Variants in STK10 observed in about 807,000 individuals in gnomAD.
The protein encoded by STK10 is serine/threonine kinase 10.
Under a neutral mutation model 113.8 loss-of-function variants are expected in STK10, and 78 were observed. That is an observed-to-expected ratio of 0.69 (90% CI 0.57 to 0.83). The LOEUF (loss-of-function observed/expected upper bound fraction) is 0.83. STK10 is among the 40% of genes least tolerant of loss of function. The pLI, the probability that STK10 is intolerant of heterozygous loss-of-function variation, is 0.00. For synonymous variants in STK10, 465 were observed against 494.7 expected, an observed-to-expected ratio of 0.94 and a Z score of 0.80; for missense variants, 1,109 against 1,280.1, an observed-to-expected ratio of 0.87 and a Z score of 2.04.
intron 4 of STK10, among the ~76,000 whole-genome samples, chr5:172,110,840 A>C (rs1355297159): frequency 1.3e-5 from 2 of 152,176 alleles, no homozygotes; most frequent in Admixed American, 6.5e-5. Context: ...GGCAAAAGCG[A>C]GAAGATGGTG....
intron 1 of STK10, among the ~76,000 whole-genome samples, chr5:172,166,936 C>T (rs529937211): frequency 6.7e-6 from 1 of 150,312 alleles, no homozygotes; most frequent in Non-Finnish European, 1.5e-5. Context: ...CTGAGGCGGG[C>T]GGATCAGAAA....
rs1441588568 is a variant in STK10 at position 172,070,108 on chromosome 5, T to C, written c.1990-5296A>G. 3.3e-5 allele frequency among the ~76,000 whole-genome samples: 5 copies of C among 151,912 alleles called. No individual in the cohort carries two copies. In the East Asian group the frequency reaches 9.7e-4, roughly 29 times the overall value. ...ACTAAAAATACAAAAATTAGCTGGG[T>C]GTGGTGGCATGTGCCTGTAATCCCA... On this transcript the variant is annotated intron_variant, in intron 12 of 18. Transcript: ENST00000176763.
Position 172,187,793 on chromosome 5 carries a change from G to A in STK10, c.156+94C>T. The A allele has an allele frequency of 6.6e-7, 1 of 1,525,828 alleles. No individual in the cohort carries two copies. The highest frequency in any genetic ancestry group is 8.8e-7 in the Non-Finnish European group (1 of 1,132,750). 94.5% of individuals were successfully genotyped at this position (1,525,828 alleles called of 1,614,324 possible). A position where few individuals can be genotyped will look rare whatever the true frequency, so the allele number is the denominator to read the frequency against. On this transcript the variant is annotated intron_variant, in intron 1 of 18. Coordinates refer to ENST00000176763, the MANE Select transcript of STK10 (RefSeq NM_005990.4). The surrounding 1 kb of genome is among the most constrained non-coding windows in gnomAD (Gnocchi z 4.6). The stretch of plus-strand genomic sequence containing the variant: ...CCGAATTCAGCGCCGGGCAGCCCTC[G>A]GAGCCGGAGCCAGGCTGGCCGGGTC...
chr5:172,182,443 T>C (rs1770874210), intron 1 of STK10, among the ~76,000 whole-genome samples: 1 of 150,918 alleles, frequency 6.6e-6, no homozygotes, highest in African/African-American at 2.4e-5. Context: ...TGCAGAGGCG[T>C]GGGTGCAGTG....
At chr5:172,057,588 G>A in intron 14 of STK10, 115 bp from the exon 15 acceptor site, 11 of 1,453,910 alleles carry the variant, frequency 7.6e-6, no homozygotes, top group Non-Finnish European at 1.0e-5. Context: ...CCAACCTGCT[G>A]GGCTCAGGAA....
At chr5:172,179,416 G>A (rs1434677231) in intron 1 of STK10, among the ~76,000 whole-genome samples, 1 of 152,228 alleles carries the variant, frequency 6.6e-6, no homozygotes, top group Non-Finnish European at 1.5e-5. Flanking sequence ...TGGGGGCTAT[G>A]GGGTGACAAC....
rs1173692419 is a variant in STK10 at position 172,187,259 on chromosome 5, G to A, written c.156+628C>T. 6.6e-6 allele frequency among the ~76,000 whole-genome samples: 1 copy of A among 152,048 alleles called. No homozygotes were observed. Among genetic ancestry groups the A allele is most frequent in the Non-Finnish European group, 1.5e-5 (1 of 68,008 alleles). Reference sequence around the variant, plus strand: ...TCCCCAGCTGTGACTCAGACCGACGGAATCAAATCTGTTCCCCCAGGCTCA... The same window carrying A: ...TCCCCAGCTGTGACTCAGACCGACGAAATCAAATCTGTTCCCCCAGGCTCA... On this transcript the variant is annotated intron_variant, in intron 1 of 18. Transcript: ENST00000176763. This position sits in a 1 kb window ranked among gnomAD's most constrained non-coding sequence, Gnocchi z 4.6.
intron 1 of STK10, among the ~76,000 whole-genome samples, chr5:172,159,813 ACT>A (rs1346046524): frequency 2.7e-5 from 4 of 148,592 alleles, no homozygotes; most frequent in African/African-American, 1.0e-4. Context: ...ACAAAGCAAA[ACT>A]CTGTCTCAAA....
rs1219240355 is a variant in STK10 at position 172,151,959 on chromosome 5, G to A, written c.321+4665C>T. 4.6e-5 allele frequency among the ~76,000 whole-genome samples: 7 copies of A among 152,304 alleles called. No homozygotes were observed. The East Asian group carries it at 5.8e-4, about 13-fold the overall frequency. ...GTGCACTTCTGATTCCCTCTACCTGGCACTTTCTGCCCCCACACATTTGGA... is the reference window on the plus strand; with the variant it reads ...GTGCACTTCTGATTCCCTCTACCTGACACTTTCTGCCCCCACACATTTGGA... On this transcript the variant is annotated intron_variant, in intron 2 of 18. Coordinates refer to ENST00000176763, the MANE Select transcript of STK10 (RefSeq NM_005990.4).
chr5:172,114,617 G>A (rs1441875413), intron 4 of STK10: 16 of 149,166 alleles, frequency 1.1e-4, no homozygotes, highest in African/African-American at 3.9e-4. Context: ...CGAGTAGCTG[G>A]GACTACAGGC....
intron 1 of STK10, among the ~76,000 whole-genome samples, chr5:172,162,989 T>C (rs149092578): frequency 3.1e-4 from 47 of 152,282 alleles, no homozygotes; most frequent in African/African-American, 9.9e-4. Flanking sequence ...TCAGATTCCA[T>C]GGAGACCAGA....
At position 172,087,753 on chromosome 5, in the gene STK10, C is replaced by T. The variant is rs1453978083; in HGVS notation, c.1685+2479G>A. Among the ~76,000 whole-genome samples, 4 of 133,478 alleles carry T rather than the reference C, an allele frequency of 3.0e-5. 1 individual carries two copies. The highest frequency in any genetic ancestry group is 6.4e-5 in the Non-Finnish European group (4 of 62,734). 87.6% of individuals were successfully genotyped at this position (133,478 alleles called of 152,430 possible). On this transcript the variant is annotated intron_variant, in intron 10 of 18. Coordinates refer to ENST00000176763, the MANE Select transcript of STK10 (RefSeq NM_005990.4). The stretch of plus-strand genomic sequence containing the variant: ...ACGCCATTCTCCTGCCTCAGCCTCC[C>T]GAGTAGCTGGGACTACAGGCGCCCG...
intron 8 of STK10, 117 bp downstream of exon 8, chr5:172,096,309 C>G (rs1768852590): frequency 3.3e-6 from 5 of 1,500,076 alleles, no homozygotes; most frequent in Admixed American, 3.8e-5. Flanking sequence ...AACCTCTGAG[C>G]TGGCAATAAA....
chr5:172,047,364 T>C (rs1002549602), intron 18 of STK10, among the ~76,000 whole-genome samples: 1 of 152,204 alleles, frequency 6.6e-6, no homozygotes, highest in East Asian at 1.9e-4. Context: ...AACGCGATCA[T>C]TCATTTTCAA....
At chr5:172,069,910 G>C (rs1218526014) in intron 12 of STK10, among the ~76,000 whole-genome samples, 1 of 152,042 alleles carries the variant, frequency 6.6e-6, no homozygotes, top group Non-Finnish European at 1.5e-5. Context: ...CCACATCCCG[G>C]ACCATAAAAC....
At chr5:172,077,689 T>C (rs970302075) in intron 12 of STK10, among the ~76,000 whole-genome samples, 1 of 152,170 alleles carries the variant, frequency 6.6e-6, no homozygotes, top group Admixed American at 6.5e-5. Flanking sequence ...GCATGATAAA[T>C]ATCCCACACC....
At chr5:172,049,360 G>A (rs558186639) in intron 18 of STK10, among the ~76,000 whole-genome samples, 11 of 152,236 alleles carry the variant, frequency 7.2e-5, no homozygotes, top group Admixed American at 5.2e-4. Context: ...GCCTCCGTGG[G>A]GGAGGCCTGA....
rs183887636 is a variant in STK10 at position 172,054,423 on chromosome 5, A to T, written c.2652+146T>A. Reference sequence around the variant, plus strand: ...GCCCAACCTCACAGAGCCCTAGAGCAGCATGGCAGGGCTGGAAACCATCCA... The same window carrying T: ...GCCCAACCTCACAGAGCCCTAGAGCTGCATGGCAGGGCTGGAAACCATCCA... On this transcript the variant is annotated intron_variant, in intron 17 of 18. Transcript: ENST00000176763. 6.5e-6 allele frequency: 8 copies of T among 1,222,160 alleles called. No individual in the cohort carries two copies. The African/African-American group carries it at 1.2e-4, about 19-fold the overall frequency. The allele number at this position is 1,222,160 out of a possible 1,614,324, so 75.7% of individuals were successfully genotyped here. A position where few individuals can be genotyped will look rare whatever the true frequency, so the allele number is the denominator to read the frequency against.
At chr5:172,159,336 TAAG>T (rs1393107800) in intron 1 of STK10, among the ~76,000 whole-genome samples, 3 of 152,028 alleles carry the variant, frequency 2.0e-5, no homozygotes, top group Admixed American at 2.0e-4. Context: ...TCCATGAGTT[TAAG>T]AATAGCCCAG....
Sources: allele counts gnomAD v4.1 joint callset (sites outside exome capture counted in the v4.1 genomes callset), GRCh38; gene constraint gnomAD v4.1.1; non-coding constraint Gnocchi (gnomAD v3.1); transcripts MANE v1.5; gene names NCBI Gene and HGNC (gene_info 2026-07-23, HGNC 2026-07-21).